The following LINGO2 variants were observed in gnomAD, a reference collection of about 807,000 sequenced individuals.
The protein encoded by LINGO2 is leucine rich repeat and Ig domain containing 2, also known as leucine-rich repeat and immunoglobulin-like domain-containing nogo receptor-interacting protein 2.
LINGO2 carries 14 observed loss-of-function variants against 30.6 expected under a neutral mutation model. That is an observed-to-expected ratio of 0.46 (90% CI 0.30 to 0.72). The LOEUF is 0.72. Ranked by LOEUF, LINGO2 falls within the 30% of genes least tolerant of loss-of-function variation. LINGO2 has a pLI of 0.07. For synonymous variants in LINGO2, 317 were observed against 288.5 expected (o/e 1.10, Z -1.00); for missense variants, 729 against 751.7 (o/e 0.97, Z 0.35).
the LINGO2 span, among the ~76,000 whole-genome samples, chr9:28,686,194 A>C: frequency 4.3e-4 from 66 of 152,166 alleles, 1 homozygote; most frequent in South Asian, 2.1e-4. Context: ...TTCTTTATAT[A>C]ACTGATGAAG....
At chr9:28,629,507 T>G (rs1282821893) in intron 1 of LINGO2, among the ~76,000 whole-genome samples, 1 of 152,092 alleles carries the variant, frequency 6.6e-6, no homozygotes, top group Non-Finnish European at 1.5e-5. Flanking sequence ...TACATATATG[T>G]TTTGCCCATC....
intron 4 of LINGO2, among the ~76,000 whole-genome samples, chr9:28,224,258 G>T (rs548693677): frequency 9.2e-5 from 14 of 152,258 alleles, no homozygotes; most frequent in Non-Finnish European, 1.3e-4. Context: ...TAGAGACGGG[G>T]TTTCACCGTG....
intron 5 of LINGO2, among the ~76,000 whole-genome samples, chr9:27,982,569 T>C (rs1820931906): frequency 6.6e-6 from 1 of 151,854 alleles, no homozygotes; most frequent in African/African-American, 2.4e-5. Context: ...CTCATCCCTT[T>C]TTGTGAATGG....
chr9:27,995,417 A>C (rs540302939), intron 5 of LINGO2, among the ~76,000 whole-genome samples: 132 of 152,290 alleles, frequency 8.7e-4, no homozygotes, highest in Non-Finnish European at 1.6e-3. Context: ...CAAACCAGAC[A>C]AAGACGAACA....
chr9:28,585,212 T>C (rs1203331430), intron 1 of LINGO2, among the ~76,000 whole-genome samples: 1 of 152,088 alleles, frequency 6.6e-6, no homozygotes, highest in Admixed American at 6.6e-5. Flanking sequence ...TATTCACAGG[T>C]AATTGGAAAT....
rs765490702 is a variant in LINGO2, at chr9:27,999,748, T to G, written c.-36+12607A>C. ...GACTGTGCAAAGGACTTCTATAGAT[T>G]AGGAGAGAGGTAGATGCTGACTTCT... is the stretch of plus-strand genomic sequence containing the variant. On this transcript the variant is annotated intron_variant, in intron 5 of 5. Transcript: ENST00000379992. 5.3e-5 allele frequency among the ~76,000 whole-genome samples: 8 copies of G among 152,100 alleles called. No individual in the cohort carries two copies. In the South Asian group the frequency reaches 6.2e-4, roughly 12 times the overall value.
the LINGO2 span, among the ~76,000 whole-genome samples, chr9:28,770,185 T>C: frequency 1.3e-5 from 2 of 152,194 alleles, no homozygotes; most frequent in Non-Finnish European, 2.9e-5. Flanking sequence ...ATTCACTAGG[T>C]CTGAAACATT....
the LINGO2 span, among the ~76,000 whole-genome samples, chr9:29,177,495 G>C: frequency 6.6e-6 from 1 of 152,012 alleles, no homozygotes. Flanking sequence ...TTTTGTATTA[G>C]CATTCTTAAA....
At chr9:29,185,212 C>T in the LINGO2 span, among the ~76,000 whole-genome samples, 6 of 151,918 alleles carry the variant, frequency 3.9e-5, no homozygotes, top group Non-Finnish European at 8.8e-5. Flanking sequence ...AGCAGGAATC[C>T]AAAAGAGAGT....
chr9:28,467,397 A>G (rs1399560381), intron 2 of LINGO2, among the ~76,000 whole-genome samples: 1 of 152,180 alleles, frequency 6.6e-6, no homozygotes, highest in East Asian at 1.9e-4. Context: ...CAACATAGTG[A>G]AAACAATATT....
At chr9:28,747,680 C>A in the LINGO2 span, among the ~76,000 whole-genome samples, 1 of 152,090 alleles carries the variant, frequency 6.6e-6, no homozygotes, top group Non-Finnish European at 1.5e-5. Context: ...GAGCAACACC[C>A]CTGTTGCACA....
At chr9:29,145,296 T>C in the LINGO2 span, among the ~76,000 whole-genome samples, 12 of 152,282 alleles carry the variant, frequency 7.9e-5, no homozygotes, top group East Asian at 1.4e-3. Context: ...CCAATTATAT[T>C]TGCTGTTACT....
chr9:29,142,126 A>G, the LINGO2 span, among the ~76,000 whole-genome samples: 1 of 151,898 alleles, frequency 6.6e-6, no homozygotes, highest in Admixed American at 6.6e-5. Context: ...AGCTCATGGA[A>G]CATTCTCCAG....
intron 2 of LINGO2, among the ~76,000 whole-genome samples, chr9:28,444,876 G>T (rs12553634): frequency 0.05 from 7,652 of 152,256 alleles, 276 homozygotes; most frequent in Middle Eastern, 0.14. Flanking sequence ...TGGGATCCAG[G>T]CTGGTAGTGC....
At chr9:29,077,613 G>T in the LINGO2 span, among the ~76,000 whole-genome samples, 1 of 151,930 alleles carries the variant, frequency 6.6e-6, no homozygotes, top group African/African-American at 2.4e-5. Flanking sequence ...TAAGATTTTA[G>T]TTATGTTTTA....
intron 1 of LINGO2, among the ~76,000 whole-genome samples, chr9:28,495,472 G>A (rs538972376): frequency 4.7e-4 from 72 of 152,210 alleles, no homozygotes; most frequent in Admixed American, 1.3e-3. Flanking sequence ...ATTAAATAGG[G>A]AATCCTTTCC....
intron 4 of LINGO2, among the ~76,000 whole-genome samples, chr9:28,275,013 T>C (rs1358740512): frequency 1.3e-5 from 2 of 152,160 alleles, no homozygotes; most frequent in African/African-American, 4.8e-5. Flanking sequence ...ACCTCCGTCT[T>C]AAGTCATGTC....
chr9:28,224,373 T>C (rs1442199726), intron 4 of LINGO2, among the ~76,000 whole-genome samples: 1 of 152,174 alleles, frequency 6.6e-6, no homozygotes, highest in Non-Finnish European at 1.5e-5. Flanking sequence ...CCAGAATTTT[T>C]TATTGTTACA....
chr9:28,345,677 A>C (rs1234893497), intron 3 of LINGO2, among the ~76,000 whole-genome samples: 1 of 152,146 alleles, frequency 6.6e-6, no homozygotes, highest in Non-Finnish European at 1.5e-5. Context: ...CTCACATTTG[A>C]GTTTTGTCCA....
Sources: allele counts gnomAD v4.1 joint callset (sites outside exome capture counted in the v4.1 genomes callset), GRCh38; gene constraint gnomAD v4.1.1; transcripts MANE v1.5; gene names NCBI Gene and HGNC (gene_info 2026-07-23, HGNC 2026-07-21).